MED27: variants seen among roughly 807,000 people sequenced by gnomAD.
MED27 encodes the protein mediator complex subunit 27.
MED27 carries 30 observed loss-of-function variants against 38.2 expected under a neutral mutation model. That is an observed-to-expected ratio of 0.79 (90% CI 0.59 to 1.07). The LOEUF (loss-of-function observed/expected upper bound fraction) is 1.07. MED27 is among the 50% of genes least tolerant of loss of function. MED27 has a pLI of 0.00. For synonymous variants in MED27, 122 were observed against 153.5 expected (o/e 0.79, Z 1.52); for missense variants, 289 against 397.5 (o/e 0.73, Z 2.32).
intron 2 of MED27, among the ~76,000 whole-genome samples, chr9:132,025,963 A>T (rs1832808852): frequency 6.6e-6 from 1 of 152,296 alleles, no homozygotes; most frequent in South Asian, 2.1e-4. Flanking sequence ...AGTCAAAAAC[A>T]AGTCTGTTCC....
At chr9:132,018,282 G>C (rs998126730) in intron 2 of MED27, among the ~76,000 whole-genome samples, 2 of 152,190 alleles carry the variant, frequency 1.3e-5, no homozygotes, top group Non-Finnish European at 2.9e-5. Flanking sequence ...CTCTTTTAAA[G>C]AGTCCAAACT....
chr9:131,968,999 A>G (rs371342451), intron 3 of MED27, among the ~76,000 whole-genome samples: 2 of 152,186 alleles, frequency 1.3e-5, no homozygotes, highest in African/African-American at 4.8e-5. Context: ...GCCTCTCATC[A>G]GCCCTAGATG....
At chr9:131,918,150 T>C (rs1304664646) in intron 4 of MED27, among the ~76,000 whole-genome samples, 1 of 152,224 alleles carries the variant, frequency 6.6e-6, no homozygotes, top group Non-Finnish European at 1.5e-5. Flanking sequence ...TTCCACCTCT[T>C]TGGGACAAAT....
intron 2 of MED27, among the ~76,000 whole-genome samples, chr9:132,029,861 T>C (rs1398111129): frequency 1.4e-5 from 2 of 143,444 alleles, no homozygotes; most frequent in Admixed American, 7.2e-5. Context: ...AAAAAAAGTG[T>C]CGGTGTGTGT....
At chr9:131,963,847 C>T (rs939847800) in intron 3 of MED27, among the ~76,000 whole-genome samples, 2 of 152,042 alleles carry the variant, frequency 1.3e-5, no homozygotes, top group African/African-American at 4.8e-5. Flanking sequence ...CCTGACAACC[C>T]GGAGAAAATG....
rs530295428 is a variant in MED27, at chr9:132,070,914, C to T, written c.348+6528G>A. On this transcript the variant is annotated intron_variant, in intron 2 of 7. Transcript: ENST00000292035. The stretch of plus-strand genomic sequence containing the variant: ...AATTGCTGTCTCACTGGAAAAGGTG[C>T]TGATTATTCAACAGAATCTCCAATG... Among the ~76,000 whole-genome samples the T allele has an allele frequency of 9.9e-5, 15 of 151,950 alleles. No homozygotes were observed. The South Asian group carries it at 3.1e-3, about 32-fold the overall frequency.
intron 2 of MED27, among the ~76,000 whole-genome samples, chr9:132,075,299 C>A (rs527832560): frequency 3.4e-4 from 52 of 152,204 alleles, no homozygotes; most frequent in Admixed American, 1.5e-3. Context: ...CCTCAGTTTG[C>A]GCACCTCTAA....
intron 3 of MED27, among the ~76,000 whole-genome samples, chr9:131,969,507 T>G (rs972553768): frequency 6.6e-6 from 1 of 152,198 alleles, no homozygotes; most frequent in Non-Finnish European, 1.5e-5. Flanking sequence ...CAGGGTAACA[T>G]AATCATAATA....
rs1834137757 is a variant in MED27, at chr9:132,079,834, A to G, written c.11T>C (p.Val4Ala). The change falls in exon 1 of 8, where the codon GTG becomes GCG. Residue 4 changes from valine (V) to alanine (A), a missense_variant. Transcript: ENST00000292035. MAD[V>A]INVSVNLEAF... ...CTCCAGGTTCACACTGACATTTATC[A>G]CGTCCGCCATGTTGCCGCCGCCACA... The G allele has an allele frequency of 1.3e-6, 2 of 1,590,160 alleles. No individual in the cohort carries two copies. Among genetic ancestry groups the G allele is most frequent in the Non-Finnish European group, 8.6e-7 (1 of 1,168,138 alleles).
chr9:132,049,346 A>C lies in MED27; in HGVS notation c.348+28096T>G, dbSNP rs116173060. 5.1e-3 allele frequency among the ~76,000 whole-genome samples: 771 copies of C among 152,308 alleles called. 8 individuals are homozygous for C. Among genetic ancestry groups the C allele is most frequent in the African/African-American group, 0.017 (722 of 41,560 alleles). ...AGAGTGATGGAGAGAAGATACTGGT[A>C]ATCTTACTTAATCCTGGTGTGGCCC... is the stretch of plus-strand genomic sequence containing the variant. On this transcript the variant is annotated intron_variant, in intron 2 of 7. Coordinates refer to ENST00000292035, the MANE Select transcript of MED27 (RefSeq NM_004269.4).
chr9:131,897,884 T>A (rs1392357124), intron 4 of MED27, among the ~76,000 whole-genome samples: 1 of 152,224 alleles, frequency 6.6e-6, no homozygotes, highest in African/African-American at 2.4e-5. Flanking sequence ...GTCCACACAA[T>A]GTGACTGGTT....
intron 3 of MED27, among the ~76,000 whole-genome samples, chr9:131,985,680 G>T (rs945297246): frequency 2.4e-4 from 36 of 151,376 alleles, no homozygotes; most frequent in Non-Finnish European, 4.0e-4. Flanking sequence ...TGAATTTACT[G>T]TACTATAATT....
At chr9:131,939,339 T>G in intron 4 of MED27, 42 bp downstream of exon 4, 1 of 1,406,606 alleles carries the variant, frequency 7.1e-7, no homozygotes, top group Non-Finnish European at 9.8e-7. Flanking sequence ...GAAGTCCATT[T>G]TTTCCCCCAA....
At chr9:132,039,549 A>C (rs948748484) in intron 2 of MED27, among the ~76,000 whole-genome samples, 1 of 152,206 alleles carries the variant, frequency 6.6e-6, no homozygotes, top group Non-Finnish European at 1.5e-5. Context: ...AGCGAAAAGA[A>C]GGTTGGGTCT....
intron 4 of MED27, among the ~76,000 whole-genome samples, chr9:131,896,486 A>T (rs1204256019): frequency 1.3e-5 from 2 of 152,136 alleles, no homozygotes; most frequent in African/African-American, 2.4e-5. Context: ...TTATATTCAA[A>T]TTTTTTTCTA....
intron 2 of MED27, among the ~76,000 whole-genome samples, chr9:132,037,751 T>C (rs934282221): frequency 2.0e-5 from 3 of 152,068 alleles, no homozygotes; most frequent in African/African-American, 7.2e-5. Flanking sequence ...CAAATGAAAG[T>C]GGGCAAAACA....
At chr9:131,977,782 A>T (rs1370700772) in intron 3 of MED27, among the ~76,000 whole-genome samples, 1 of 152,254 alleles carries the variant, frequency 6.6e-6, no homozygotes, top group African/African-American at 2.4e-5. Context: ...GAGGGGTGCT[A>T]GACAACCAGC....
At chr9:131,865,046 C>G (rs191671807) in intron 6 of MED27, among the ~76,000 whole-genome samples, 27 of 152,328 alleles carry the variant, frequency 1.8e-4, no homozygotes, top group Admixed American at 4.6e-4. Context: ...ACAGCAGGTG[C>G]CCAATACATA....
At chr9:131,938,279 C>T (rs921914201) in intron 4 of MED27, among the ~76,000 whole-genome samples, 1 of 152,136 alleles carries the variant, frequency 6.6e-6, no homozygotes, top group Non-Finnish European at 1.5e-5. Flanking sequence ...TCCAAAGCAG[C>T]AACAGCAGAA....
Sources: gnomAD v4.1 joint callset for allele counts (sites outside exome capture counted in the v4.1 genomes callset) on GRCh38, gnomAD v4.1.1 for gene constraint, MANE v1.5 for transcripts, NCBI Gene and HGNC (gene_info 2026-07-23, HGNC 2026-07-21) for gene names.